Variants in SBNO2 observed in about 807,000 individuals in gnomAD.
SBNO2 encodes the protein strawberry notch homolog 2.
SBNO2 carries 89 observed loss-of-function variants against 146.3 expected under a neutral mutation model. That is an observed-to-expected ratio of 0.61 (90% CI 0.51 to 0.73). The LOEUF is 0.73. Among genes scored for constraint, SBNO2 ranks in the 30% least tolerant of loss-of-function variants. SBNO2 has a pLI of 0.00. For synonymous variants in SBNO2, 1,147 were observed against 892.6 expected (o/e 1.29, Z -5.08); for missense variants, 2,092 against 2,003.7 (o/e 1.04, Z -0.84).
chr19:1,148,255 G>C (rs1337277692), intron 3 of SBNO2, among the ~76,000 whole-genome samples: 1 of 152,048 alleles, frequency 6.6e-6, no homozygotes, highest in Non-Finnish European at 1.5e-5. Context: ...CTCTCCTCCT[G>C]CATAGAAAGG....
chr19:1,131,044 T>TC (rs1208906196), intron 4 of SBNO2, among the ~76,000 whole-genome samples: 3 of 151,826 alleles, frequency 2.0e-5, no homozygotes, highest in African/African-American at 7.3e-5. Flanking sequence ...CCAGGCCAGC[T>TC]CCCCCCACAG....
At chr19:1,113,421 C>T (rs2079791402) in intron 19 of SBNO2, 114 bp downstream of exon 19, 9 of 985,782 alleles carry the variant, frequency 9.1e-6, no homozygotes, top group South Asian at 3.4e-5. Flanking sequence ...CTCGCAGGGC[C>T]GCGGAGACGC....
intron 1 of SBNO2, among the ~76,000 whole-genome samples, chr19:1,166,010 T>C (rs371627043): frequency 2.7e-3 from 26 of 9,594 alleles, no homozygotes; most frequent in African/African-American, 6.4e-3. Flanking sequence ...AGATCCTAGA[T>C]CCCAGACCTC....
At chr19:1,130,564 A>G (rs887504700) in intron 4 of SBNO2, among the ~76,000 whole-genome samples, 2 of 152,036 alleles carry the variant, frequency 1.3e-5, no homozygotes, top group Non-Finnish European at 2.9e-5. Context: ...AGCCAAGGTG[A>G]AAGAATCACT....
At chr19:1,132,262 G>C in intron 4 of SBNO2, 1 of 1,315,540 alleles carries the variant, frequency 7.6e-7, no homozygotes, top group Non-Finnish European at 9.7e-7. Context: ...CCGCCCGGCT[G>C]CATTTGCATG....
intron 16 of SBNO2, 123 bp downstream of exon 16, chr19:1,116,706 A>G: frequency 1.2e-6 from 1 of 812,904 alleles, no homozygotes; most frequent in Non-Finnish European, 1.9e-6. Context: ...GGGGCCCAGC[A>G]AAGCCCACCC....
In SBNO2 at chr19:1,150,772, C is replaced by T. The variant is rs1440131152; in HGVS notation, c.94-1330G>A. ...CTCGGCCACCTCTGCCCCTCATTCA[C>T]CTCACACTGGCTGGGAACCAGCCCG... On this transcript the variant is annotated intron_variant, in intron 2 of 31. Coordinates refer to ENST00000361757, the MANE Select transcript of SBNO2 (RefSeq NM_014963.3). The surrounding 1 kb of genome is among the most constrained non-coding windows in gnomAD (Gnocchi z 6.2). 1.3e-5 allele frequency among the ~76,000 whole-genome samples: 2 copies of T among 152,194 alleles called. No homozygotes were observed. Among genetic ancestry groups the T allele is most frequent in the Non-Finnish European group, 2.9e-5 (2 of 68,022 alleles).
At chr19:1,154,041 C>T (rs893504008) in intron 2 of SBNO2, 143 bp downstream of exon 2, 6 of 406,632 alleles carry the variant, frequency 1.5e-5, no homozygotes, top group African/African-American at 8.3e-5. Context: ...CGGGTGGAGC[C>T]GGGCTCCGGG....
chr19:1,151,712 A>G (rs1184508197), intron 2 of SBNO2, among the ~76,000 whole-genome samples: 5 of 152,116 alleles, frequency 3.3e-5, no homozygotes, highest in African/African-American at 9.7e-5. Flanking sequence ...ACCCAGGCTG[A>G]AGTGCAGTGG....
chr19:1,132,275 G>A (rs2080039253), intron 4 of SBNO2: 14 of 1,312,690 alleles, frequency 1.1e-5, no homozygotes, highest in Non-Finnish European at 1.4e-5. Context: ...TTTGCATGTC[G>A]GTTTAGTCAC....
Position 1,116,004 on chromosome 19 carries a change from TG to T in SBNO2, c.1885+16del, listed in dbSNP as rs780836785. 57 of 1,312,962 alleles carry T rather than the reference TG, an allele frequency of 4.3e-5. No individual in the cohort carries two copies. In the African/African-American group the frequency reaches 1.1e-3, roughly 24 times the overall value. 81.3% of individuals were successfully genotyped at this position (1,312,962 alleles called of 1,614,324 possible). On this transcript the variant is annotated intron_variant, in intron 17 of 31. Coordinates refer to ENST00000361757, the MANE Select transcript of SBNO2 (RefSeq NM_014963.3). ...AGAGGGGCAGGGGTGGGTGGGGCCA[TG>T]GGGGGCAGGGCTTACGTTTCCGCTT... is the stretch of plus-strand genomic sequence containing the variant.
intron 4 of SBNO2, chr19:1,132,003 G>A: frequency 2.9e-6 from 3 of 1,035,912 alleles, no homozygotes; most frequent in South Asian, 1.7e-5. Context: ...GGCTGCTCCG[G>A]CAGGGGGCCC....
chr19:1,135,045 C>CAAA lies in SBNO2; in HGVS notation c.280-7283_280-7281dup, dbSNP rs201799961. 2.9e-3 allele frequency among the ~76,000 whole-genome samples: 148 copies of CAAA among 51,188 alleles called. 4 individuals carry two copies. The highest frequency in any genetic ancestry group is 0.011 in the African/African-American group (135 of 12,604). 33.6% of individuals were successfully genotyped at this position (51,188 alleles called of 152,430 possible). A position where few individuals can be genotyped will look rare whatever the true frequency, so the allele number is the denominator to read the frequency against. ...TGGGCAACAGAGCAAGACTCTGTCT[C>CAAA]AAAAAAAAAAAAAAAAAAAAAAAAG... is the stretch of plus-strand genomic sequence containing the variant. On this transcript the variant is annotated intron_variant, in intron 4 of 31. Transcript: ENST00000361757.
chr19:1,122,391 C>G, intron 10 of SBNO2, 77 bp downstream of exon 10: 2 of 1,521,796 alleles, frequency 1.3e-6, no homozygotes, highest in Non-Finnish European at 1.8e-6. Context: ...GGCTGCTGGC[C>G]CACCCAGCTG....
chr19:1,127,884 A>G, intron 4 of SBNO2, 119 bp from the exon 5 acceptor site: 8 of 905,016 alleles, frequency 8.8e-6, no homozygotes, highest in Non-Finnish European at 1.4e-5. Context: ...GCATGTGGGA[A>G]TGGGAGACAC....
chr19:1,112,023 G>C lies in SBNO2; in HGVS notation c.2673C>G (p.Asp891Glu), dbSNP rs369473666. The C allele has an allele frequency of 6.2e-7, 1 of 1,612,304 alleles. No homozygotes were observed. Among genetic ancestry groups the C allele is most frequent in the Non-Finnish European group, 8.5e-7 (1 of 1,179,760 alleles). The stretch of plus-strand genomic sequence containing the variant: ...TGTTCTCAAAGTTGTACTTGCTGAG[G>C]TCACGGGACTCCGTGGCGCGGCGGT... ...HGDRRATESRDLSKYNFENKY... is the reference protein window; with the variant it reads ...HGDRRATESRELSKYNFENKY... The change falls in exon 23 of 32, where the codon GAC becomes GAG. Residue 891 changes from aspartate (D) to glutamate (E), a missense_variant. Physicochemically the swap from Asp to Glu is conservative, Grantham distance 45. Transcript: ENST00000361757. This position sits in a 1 kb window ranked among gnomAD's most constrained non-coding sequence, Gnocchi z 5.9.
intron 23 of SBNO2, among the ~76,000 whole-genome samples, 163 bp downstream of exon 23, chr19:1,111,833 G>A (rs1418926845): frequency 6.7e-6 from 1 of 148,444 alleles, no homozygotes; most frequent in Non-Finnish European, 1.5e-5. Context: ...TGAGCCCCTA[G>A]AAGCCCCCTT....
In SBNO2 at chr19:1,123,613, CTCT is replaced by C. The variant is rs748249617; in HGVS notation, c.546_548del (p.Glu185del). ...CCTCCTCCTCAGCCTCGTCCTCCTCCTCTGGCTGGCTCTGCACACTCTGCTCCT... is the reference window on the plus strand; with the variant it reads ...CCTCCTCCTCAGCCTCGTCCTCCTCCGGCTGGCTCTGCACACTCTGCTCCT... On this transcript the variant is annotated inframe_deletion, in exon 7 of 32. Coordinates refer to ENST00000361757, the MANE Select transcript of SBNO2 (RefSeq NM_014963.3). 1.2e-6 allele frequency: 2 copies of C among 1,613,162 alleles called. No homozygotes were observed. Among genetic ancestry groups the C allele is most frequent in the Non-Finnish European group, 1.7e-6 (2 of 1,179,716 alleles).
At chr19:1,147,285 G>A (rs1190849971) in intron 4 of SBNO2, 24 bp downstream of exon 4, 7 of 1,500,008 alleles carry the variant, frequency 4.7e-6, no homozygotes, top group East Asian at 2.4e-5. Flanking sequence ...CCCCCACGGC[G>A]CGGTGAGCTC....
Sources: gnomAD v4.1 joint callset for allele counts (sites outside exome capture counted in the v4.1 genomes callset) on GRCh38, gnomAD v4.1.1 for gene constraint, Gnocchi (gnomAD v3.1) non-coding constraint, MANE v1.5 for transcripts, NCBI Gene and HGNC (gene_info 2026-07-23, HGNC 2026-07-21) for gene names.